INSR: variants seen among roughly 807,000 people sequenced by gnomAD.
The protein encoded by INSR is insulin receptor, also known as IR.
INSR carries 67 observed loss-of-function variants against 142.6 expected under a neutral mutation model. The observed-to-expected ratio is 0.47, with a 90% CI of 0.39 to 0.58. The LOEUF (loss-of-function observed/expected upper bound fraction) is 0.58. Ranked by LOEUF, INSR falls within the 20% of genes least tolerant of loss-of-function variation. INSR has a pLI of 0.00. For missense variants in INSR, 1,248 were observed against 1,833.2 expected (o/e 0.68, Z 5.83); for synonymous variants, 756 against 743.1 (o/e 1.02, Z -0.28).
intron 19 of INSR, 76 bp from the exon 20 acceptor site, chr19:7,120,825 T>A (rs1402376679): frequency 1.3e-6 from 2 of 1,579,220 alleles, no homozygotes; most frequent in African/African-American, 2.7e-5. Context: ...CTGCCCCACC[T>A]CTCACAGAGC....
intron 2 of INSR, among the ~76,000 whole-genome samples, chr19:7,242,206 G>A (rs929575182): frequency 6.6e-6 from 1 of 151,492 alleles, no homozygotes; most frequent in South Asian, 2.1e-4. Context: ...AGGAGAAAGA[G>A]AAGGAGAAGG....
chr19:7,226,771 A>C (rs1600059303), intron 2 of INSR, among the ~76,000 whole-genome samples: 1 of 150,628 alleles, frequency 6.6e-6, no homozygotes, highest in South Asian at 2.1e-4. Flanking sequence ...TGAATCCTAG[A>C]AACAGCCCAA....
At chr19:7,151,537 C>T (rs972099951) in intron 10 of INSR, among the ~76,000 whole-genome samples, 3 of 151,176 alleles carry the variant, frequency 2.0e-5, no homozygotes, top group Admixed American at 6.6e-5. Flanking sequence ...TCTCCCACTT[C>T]GGCCTCCCAA....
intron 9 of INSR, among the ~76,000 whole-genome samples, chr19:7,160,608 G>C (rs921221833): frequency 2.6e-4 from 39 of 152,026 alleles, no homozygotes; most frequent in African/African-American, 5.8e-4. Context: ...CTGGACAACA[G>C]AGTGAGACCC....
At chr19:7,293,508 G>A (rs1279893649) in intron 1 of INSR, among the ~76,000 whole-genome samples, 3 of 152,202 alleles carry the variant, frequency 2.0e-5, no homozygotes, top group Non-Finnish European at 2.9e-5. Context: ...GGCACGGGTC[G>A]GAGGCGCGCT....
intron 2 of INSR, among the ~76,000 whole-genome samples, chr19:7,239,270 A>G (rs1465516122): frequency 6.6e-6 from 1 of 151,606 alleles, no homozygotes; most frequent in Admixed American, 6.6e-5. Context: ...TTGCCAATGC[A>G]GAGTCCCTGA....
At chr19:7,246,922 T>C (rs1056933216) in intron 2 of INSR, among the ~76,000 whole-genome samples, 3 of 145,212 alleles carry the variant, frequency 2.1e-5, no homozygotes, top group Non-Finnish European at 4.4e-5. Flanking sequence ...ATGAATGAAC[T>C]TGGATACAAG....
rs1456799883 is a variant in INSR at position 7,150,419 on chromosome 19, G to A, written c.2267+78C>T. ...ATGCAAAAAGCCACAGAAACCCCTGGGTTCTCCGAGGCATCTGCCTGGCAC... is the reference window on the plus strand; with the variant it reads ...ATGCAAAAAGCCACAGAAACCCCTGAGTTCTCCGAGGCATCTGCCTGGCAC... On this transcript the variant is annotated intron_variant, in intron 11 of 21. Coordinates refer to ENST00000302850, the MANE Select transcript of INSR (RefSeq NM_000208.4). This position sits in a 1 kb window ranked among gnomAD's most constrained non-coding sequence, Gnocchi z 4.2. The A allele has an allele frequency of 3.7e-6, 5 of 1,357,460 alleles. No homozygotes were observed. In the African/African-American group the frequency reaches 5.8e-5, roughly 16 times the overall value. The allele number at this position is 1,357,460 out of a possible 1,614,324, so 84.1% of individuals were successfully genotyped here.
rs1263032915 is a variant in INSR, at chr19:7,163,053, C to G, written c.2008G>C (p.Glu670Gln). The change falls in exon 9 of 22, where the codon GAG (glutamate) becomes CAG (glutamine). Residue 670 changes from glutamate to glutamine, a missense_variant. Glu to Gln is a conservative substitution (Grantham distance 29). Coordinates refer to ENST00000302850, the MANE Select transcript of INSR (RefSeq NM_000208.4). ...TCACCTTTGAGGCAATAATCCAGCTCGAACAGCTCACTGTCTTCCGCCTGC... is the reference window on the plus strand; with the variant it reads ...TCACCTTTGAGGCAATAATCCAGCTGGAACAGCTCACTGTCTTCCGCCTGC... ...ERQAEDSELF[E>Q]LDYCLKGLKL... 4 of 1,613,534 alleles carry G rather than the reference C, an allele frequency of 2.5e-6. No individual in the cohort carries two copies. The highest frequency in any genetic ancestry group is 1.7e-5 in the Admixed American group (1 of 59,958).
intron 1 of INSR, among the ~76,000 whole-genome samples, chr19:7,287,679 C>A (rs894734818): frequency 2.6e-5 from 4 of 152,144 alleles, no homozygotes; most frequent in Non-Finnish European, 5.9e-5. Context: ...TTCAGTGCAG[C>A]AAATGACACA....
intron 14 of INSR, 51 bp downstream of exon 14, chr19:7,132,107 G>A (rs1340921996): frequency 6.2e-7 from 1 of 1,609,810 alleles, no homozygotes; most frequent in Non-Finnish European, 8.5e-7. Flanking sequence ...GTCCCACCAT[G>A]CTCAGTGCTA....
intron 2 of INSR, among the ~76,000 whole-genome samples, chr19:7,265,112 T>G (rs1358058318): frequency 6.6e-6 from 1 of 152,204 alleles, no homozygotes; most frequent in African/African-American, 2.4e-5. Flanking sequence ...TGTTCCCTAG[T>G]TCTTCCCAGG....
intron 2 of INSR, among the ~76,000 whole-genome samples, chr19:7,226,542 A>G (rs899824773): frequency 5.3e-5 from 8 of 151,992 alleles, no homozygotes. Flanking sequence ...CCCTGGCAAC[A>G]TAGTGAGACC....
At chr19:7,223,137 T>A (rs946841778) in intron 2 of INSR, among the ~76,000 whole-genome samples, 1 of 152,046 alleles carries the variant, frequency 6.6e-6, no homozygotes, top group African/African-American at 2.4e-5. Flanking sequence ...GAGCTGAGAC[T>A]GCGCCACTGC....
chr19:7,268,559 A>G, intron 1 of INSR: 1 of 985,184 alleles, frequency 1.0e-6, no homozygotes, highest in Non-Finnish European at 1.2e-6. Context: ...TTCTGCCCCT[A>G]CATCCCCTGC....
chr19:7,236,385 C>A (rs768182865), intron 2 of INSR, among the ~76,000 whole-genome samples: 4 of 152,214 alleles, frequency 2.6e-5, no homozygotes, highest in African/African-American at 4.8e-5. Context: ...ATAACAGGTT[C>A]ATGCAGGTTT....
At chr19:7,221,616 G>C (rs978402495) in intron 2 of INSR, among the ~76,000 whole-genome samples, 3 of 151,906 alleles carry the variant, frequency 2.0e-5, no homozygotes, top group Non-Finnish European at 4.4e-5. Flanking sequence ...GCTGAGGCAG[G>C]AGAATCGCTT....
chr19:7,244,068 A>C (rs1976449762), intron 2 of INSR, among the ~76,000 whole-genome samples: 1 of 152,196 alleles, frequency 6.6e-6, no homozygotes, highest in Admixed American at 6.6e-5. Flanking sequence ...CACAATGAAT[A>C]AAACAATTTA....
intron 2 of INSR, among the ~76,000 whole-genome samples, chr19:7,224,243 A>ATTT (rs11387492): frequency 0.016 from 2,174 of 137,288 alleles, 71 homozygotes; most frequent in African/African-American, 0.056. Flanking sequence ...CACCAGGCCA[A>ATTT]TTTTTTTTTT....
Sources: allele counts gnomAD v4.1 joint callset (sites outside exome capture counted in the v4.1 genomes callset), GRCh38; gene constraint gnomAD v4.1.1; non-coding constraint Gnocchi (gnomAD v3.1); transcripts MANE v1.5; gene names NCBI Gene and HGNC (gene_info 2026-07-23, HGNC 2026-07-21).